Variants in UBASH3B observed in about 807,000 individuals in gnomAD.
UBASH3B encodes ubiquitin associated and SH3 domain containing B.
In UBASH3B, 37 loss-of-function variants were observed where a neutral mutation model predicts 83.4. The ratio of observed to expected loss-of-function variants is 0.44; its 90% confidence interval spans 0.34 to 0.58. The LOEUF is 0.58. Ranked by LOEUF, UBASH3B falls within the 20% of genes least tolerant of loss-of-function variation. UBASH3B has a pLI of 0.01. For missense variants in UBASH3B, 657 were observed against 827.2 expected, an observed-to-expected ratio of 0.79 and a Z score of 2.52; for synonymous variants, 304 against 318.3, an observed-to-expected ratio of 0.96 and a Z score of 0.48.
chr11:122,661,859 C>CAAA (rs34663505), intron 1 of UBASH3B, among the ~76,000 whole-genome samples: 1 of 105,514 alleles, frequency 9.5e-6, no homozygotes, highest in African/African-American at 3.4e-5. Context: ...GTCCTGGTTC[C>CAAA]AAAAAAAAAA....
At chr11:122,783,331 C>A in intron 5 of UBASH3B, 109 bp downstream of exon 5, 1 of 1,313,262 alleles carries the variant, frequency 7.6e-7, no homozygotes, top group Non-Finnish European at 1.0e-6. Flanking sequence ...ATGGAGCAAG[C>A]ACCTAACAGA....
At chr11:122,767,587 A>C (rs889137099) in intron 1 of UBASH3B, among the ~76,000 whole-genome samples, 2 of 152,216 alleles carry the variant, frequency 1.3e-5, no homozygotes, top group East Asian at 1.9e-4. Flanking sequence ...CTGGGATTAC[A>C]GGCGTGAGCC....
chr11:122,789,005 TGTGCAGTATTA>T, intron 5 of UBASH3B, 84 bp from the exon 6 acceptor site: 2 of 1,142,396 alleles, frequency 1.8e-6, no homozygotes, highest in Non-Finnish European at 2.6e-6. Context: ...CCTCTGGAGG[TGTGCAGTATTA>T]ATGCAGAACA....
At chr11:122,735,802 C>G (rs1299235113) in intron 1 of UBASH3B, among the ~76,000 whole-genome samples, 1 of 152,118 alleles carries the variant, frequency 6.6e-6, no homozygotes, top group Non-Finnish European at 1.5e-5. Flanking sequence ...AGGCAGAGTT[C>G]AGAGTTGTGG....
chr11:122,768,508 G>GTGTGTGTGTATATA (rs557159523), intron 1 of UBASH3B, among the ~76,000 whole-genome samples: 3 of 134,318 alleles, frequency 2.2e-5, no homozygotes, highest in African/African-American at 5.6e-5. Flanking sequence ...GTGTGTGTGT[G>GTGTGTGTGTATATA]TATATATATA....
At chr11:122,749,996 G>A (rs1278392147) in intron 1 of UBASH3B, among the ~76,000 whole-genome samples, 1 of 152,202 alleles carries the variant, frequency 6.6e-6, no homozygotes, top group Non-Finnish European at 1.5e-5. Context: ...GCTTCCCAAA[G>A]TGCTGGGATT....
intron 1 of UBASH3B, among the ~76,000 whole-genome samples, chr11:122,673,527 C>T (rs1023082920): frequency 1.3e-5 from 2 of 152,192 alleles, no homozygotes; most frequent in South Asian, 2.1e-4. Context: ...GGCATGGTGG[C>T]GGGCGCCTGT....
chr11:122,779,708 C>T lies in UBASH3B; in HGVS notation c.601+13C>T. On this transcript the variant is annotated intron_variant, in intron 4 of 13. Transcript: ENST00000284273. ...GCATCCAAAACCGGTGAGCAAACAG[C>T]TGCCAGGCCAGCCCTGGGCCCTGTC... 1 of 1,614,082 alleles carries T rather than the reference C, an allele frequency of 6.2e-7. No homozygotes were observed. The highest frequency in any genetic ancestry group is 8.5e-7 in the Non-Finnish European group (1 of 1,180,000).
chr11:122,699,263 C>G (rs1463066739), intron 1 of UBASH3B, among the ~76,000 whole-genome samples: 4 of 152,228 alleles, frequency 2.6e-5, no homozygotes, highest in Non-Finnish European at 5.9e-5. Context: ...CATGGCAACA[C>G]TCAGTGTCTT....
intron 1 of UBASH3B, among the ~76,000 whole-genome samples, chr11:122,656,480 G>A (rs1316530864): frequency 1.3e-5 from 2 of 152,108 alleles, no homozygotes; most frequent in African/African-American, 4.8e-5. Context: ...CGAGTCCCGG[G>A]TATAGTGCTC....
chr11:122,669,259 G>C (rs1302626536), intron 1 of UBASH3B, among the ~76,000 whole-genome samples: 1 of 152,182 alleles, frequency 6.6e-6, no homozygotes, highest in East Asian at 1.9e-4. Flanking sequence ...TTCCTGGAAA[G>C]AATGTGTTTC....
intron 1 of UBASH3B, among the ~76,000 whole-genome samples, chr11:122,741,477 C>T (rs1861023492): frequency 6.6e-6 from 1 of 152,170 alleles, no homozygotes; most frequent in African/African-American, 2.4e-5. Context: ...TGTTTGCTTC[C>T]TTTCAAGCCC....
chr11:122,766,863 C>T (rs1860551114), intron 1 of UBASH3B, among the ~76,000 whole-genome samples: 1 of 152,284 alleles, frequency 6.6e-6, no homozygotes, highest in Non-Finnish European at 1.5e-5. Context: ...CCTCTGGACT[C>T]AGTTGTGCTT....
At chr11:122,699,538 T>TTTCTTTA (rs1555137154) in intron 1 of UBASH3B, among the ~76,000 whole-genome samples, 2 of 122,648 alleles carry the variant, frequency 1.6e-5, no homozygotes, top group African/African-American at 6.2e-5. Context: ...TTTCTCTTTC[T>TTTCTTTA]TTCTTTCTTT....
chr11:122,808,204 G>A (rs773626194), intron 13 of UBASH3B, 28 bp downstream of exon 13: 46 of 1,558,250 alleles, frequency 3.0e-5, no homozygotes, highest in Middle Eastern at 3.5e-4. Flanking sequence ...TTTGGGGTCC[G>A]TGATGGCTAG....
chr11:122,792,205 T>C (rs780729788), intron 6 of UBASH3B, among the ~76,000 whole-genome samples: 5 of 151,904 alleles, frequency 3.3e-5, no homozygotes, highest in Non-Finnish European at 5.9e-5. Flanking sequence ...ACAGCTGCGA[T>C]AAAGAAACAA....
intron 11 of UBASH3B, among the ~76,000 whole-genome samples, chr11:122,805,335 G>A (rs1298194331): frequency 1.3e-5 from 2 of 152,146 alleles, no homozygotes; most frequent in East Asian, 1.9e-4. Flanking sequence ...TTCAAGACCA[G>A]CCTGGCCAAC....
chr11:122,723,426 T>C (rs572029531), intron 1 of UBASH3B, among the ~76,000 whole-genome samples: 57 of 152,346 alleles, frequency 3.7e-4, no homozygotes, highest in East Asian at 3.5e-3. Context: ...GTGATCTCCC[T>C]TGGAGACGCA....
intron 5 of UBASH3B, among the ~76,000 whole-genome samples, chr11:122,783,978 T>C (rs952679332): frequency 1.3e-5 from 2 of 152,182 alleles, no homozygotes; most frequent in Middle Eastern, 3.4e-3. Context: ...TCATTCCTTG[T>C]TGCCCAGGCT....
Sources: gnomAD v4.1 joint callset for allele counts (sites outside exome capture counted in the v4.1 genomes callset) on GRCh38, gnomAD v4.1.1 for gene constraint, MANE v1.5 for transcripts, NCBI Gene and HGNC (gene_info 2026-07-23, HGNC 2026-07-21) for gene names.